The following MED23 variants were observed in gnomAD, a reference collection of about 807,000 sequenced individuals.
The protein encoded by MED23 is mediator complex subunit 23.
Under a neutral mutation model 163.9 loss-of-function variants are expected in MED23, and 105 were observed. The ratio of observed to expected loss-of-function variants is 0.64; its 90% CI spans 0.55 to 0.75. The LOEUF (loss-of-function observed/expected upper bound fraction) is 0.75. Among genes scored for constraint, MED23 ranks in the 30% least tolerant of loss-of-function variants. The pLI is 0.00. For synonymous variants in MED23, 561 were observed against 565.6 expected, an observed-to-expected ratio of 0.99 and a Z score of 0.12; for missense variants, 1,054 against 1,649.0, an observed-to-expected ratio of 0.64 and a Z score of 6.25.
At chr6:131,606,696 T>A in intron 12 of MED23, 72 bp from the exon 13 acceptor site, 1 of 1,282,780 alleles carries the variant, frequency 7.8e-7, no homozygotes. Context: ...TGTATTTTAG[T>A]AATCAATTTC....
At chr6:131,579,378 A>G in intron 30 of MED23, 1 of 1,401,636 alleles carries the variant, frequency 7.1e-7, no homozygotes. Context: ...TAGACAGAAA[A>G]GCATTGACCT....
At chr6:131,584,881 C>T (rs1774121967), downstream of MED23, among the ~76,000 whole-genome samples, 1 of 151,140 alleles carries the variant, frequency 6.6e-6, no homozygotes, top group Non-Finnish European at 1.5e-5. Flanking sequence ...CATCTGTAGT[C>T]CCAGCTACTC....
downstream of MED23, among the ~76,000 whole-genome samples, chr6:131,586,261 G>T (rs146864378): frequency 2.0e-5 from 3 of 151,974 alleles, no homozygotes; most frequent in African/African-American, 7.3e-5. Flanking sequence ...TTAGCCAGGC[G>T]TGGTGGCAGG....
At chr6:131,627,757 G>A (rs1777624128) in intron 1 of MED23, 85 bp from the exon 2 acceptor site, 1 of 1,299,518 alleles carries the variant, frequency 7.7e-7, no homozygotes, top group Admixed American at 1.9e-5. Flanking sequence ...TGTAACACAG[G>A]GCAAGTCACC....
chr6:131,578,981 C>A, intron 30 of MED23: 1 of 1,060,060 alleles, frequency 9.4e-7, no homozygotes, highest in South Asian at 1.7e-5. Context: ...CCAAGATTTA[C>A]AGACCTTTCA....
intron 14 of MED23, 26 bp from the exon 15 acceptor site, chr6:131,604,346 T>C: frequency 6.2e-7 from 1 of 1,611,876 alleles, no homozygotes; most frequent in Non-Finnish European, 8.5e-7. Flanking sequence ...GGGAAGAAAA[T>C]AAAAATCCAT....
rs746887552 is a variant in MED23, at chr6:131,598,509, G to A, written c.2427-42C>T. The A allele has an allele frequency of 6.8e-6, 11 of 1,610,842 alleles. No homozygotes were observed. The South Asian group carries it at 1.2e-4, about 18-fold the overall frequency. ...AAAACATAAACTCCATTGTTGTATG[G>A]ATACAACAATTTGCCAAATGGAATG... On this transcript the variant is annotated intron_variant, in intron 19 of 28. Transcript: ENST00000368068. The surrounding 1 kb of genome is among the most constrained non-coding windows in gnomAD (Gnocchi z 4.7).
chr6:131,627,563 C>A, intron 2 of MED23, 78 bp downstream of exon 2: 1 of 1,591,576 alleles, frequency 6.3e-7, no homozygotes, highest in South Asian at 1.1e-5. Flanking sequence ...GATCTTATAA[C>A]CTTCCAACAC....
chr6:131,590,248 T>C (rs1562368758), intron 27 of MED23, 74 bp downstream of exon 27: 3 of 1,424,266 alleles, frequency 2.1e-6, no homozygotes, highest in Non-Finnish European at 3.0e-6. Flanking sequence ...GCAGTTTCAA[T>C]AACACTGGTA....
chr6:131,612,892 C>T (rs1181725805), intron 10 of MED23, among the ~76,000 whole-genome samples: 1 of 152,036 alleles, frequency 6.6e-6, no homozygotes, highest in Non-Finnish European at 1.5e-5. Context: ...GTACTTGACG[C>T]TTTTCATGTA....
chr6:131,594,840 AAC>A lies in MED23; in HGVS notation c.2996-507_2996-506del, dbSNP rs1295561400. Among the ~76,000 whole-genome samples the A allele has an allele frequency of 3.3e-5, 5 of 152,010 alleles. No individual in the cohort carries two copies. The East Asian group carries it at 5.8e-4, about 18-fold the overall frequency. ...AACAAACAAACAAACAAACAAACAA[AAC>A]CAGCCAGGATATCTAAGAGGGGATG... On this transcript the variant is annotated intron_variant, in intron 22 of 28. Coordinates refer to ENST00000368068, the MANE Select transcript of MED23 (RefSeq NM_004830.4).
intron 30 of MED23, among the ~76,000 whole-genome samples, chr6:131,580,658 T>C (rs974395290): frequency 6.6e-6 from 1 of 152,204 alleles, no homozygotes; most frequent in African/African-American, 2.4e-5. Flanking sequence ...AGTGGGTAAC[T>C]AGATGCATTG....
At position 131,620,663 on chromosome 6, in the gene MED23, T is replaced by A; in HGVS notation, c.562A>T (p.Arg188Trp). ...LPAYFAVTEIRKLYPEGKLPH... is the reference protein window; with the variant it reads ...LPAYFAVTEIWKLYPEGKLPH... Reference sequence around the variant, plus strand: ...AGTTTGCCTTCAGGATACAGTTTCCTGATCTCAGTGACTGCAAAATAGGCT... The same window carrying A: ...AGTTTGCCTTCAGGATACAGTTTCCAGATCTCAGTGACTGCAAAATAGGCT... The change falls in exon 7 of 29, where the codon AGG becomes TGG. Residue 188 changes from arginine to tryptophan, a missense_variant. Physicochemically the swap from Arg to Trp is moderately radical, Grantham distance 101. Coordinates refer to ENST00000368068, the MANE Select transcript of MED23 (RefSeq NM_004830.4). 6.2e-7 allele frequency: 1 copy of A among 1,613,126 alleles called. No individual in the cohort carries two copies.
chr6:131,616,577 G>A (rs564643526), intron 9 of MED23, among the ~76,000 whole-genome samples: 105 of 152,252 alleles, frequency 6.9e-4, no homozygotes, highest in African/African-American at 2.5e-3. Flanking sequence ...CCAGCACTTT[G>A]GGAGGCCAAG....
rs377240053 is a variant in MED23, at chr6:131,602,404, G to T, written c.1932-23C>A. 3.9e-5 allele frequency: 63 copies of T among 1,607,384 alleles called. No individual in the cohort carries two copies. The African/African-American group carries it at 7.8e-4, about 20-fold the overall frequency. On this transcript the variant is annotated intron_variant, in intron 16 of 28. Coordinates refer to ENST00000368068, the MANE Select transcript of MED23 (RefSeq NM_004830.4). ...ACACTGAAAATTGGGAGAATAAAAA[G>T]AAATGTAAAAAAATTTCAGAATTAT...
At chr6:131,589,282 TTAA>T (rs1160606444) in intron 28 of MED23, among the ~76,000 whole-genome samples, 180 bp downstream of exon 28, 2 of 152,202 alleles carry the variant, frequency 1.3e-5, no homozygotes, top group African/African-American at 4.8e-5. Context: ...TGTATTTCCT[TTAA>T]TACTACATCT....
chr6:131,622,745 C>T (rs892405723), intron 5 of MED23, among the ~76,000 whole-genome samples: 10 of 152,104 alleles, frequency 6.6e-5, no homozygotes, highest in African/African-American at 2.4e-4. Flanking sequence ...TAGGTCATTA[C>T]CTGTTAAATC....
chr6:131,607,129 G>C (rs190820690), intron 12 of MED23, among the ~76,000 whole-genome samples: 7 of 151,942 alleles, frequency 4.6e-5, no homozygotes, highest in Admixed American at 3.3e-4. Flanking sequence ...CTTGAAAATT[G>C]TCCAACATTA....
intron 4 of MED23, among the ~76,000 whole-genome samples, chr6:131,624,261 T>C (rs1397272690): frequency 2.6e-5 from 4 of 152,218 alleles, no homozygotes; most frequent in African/African-American, 9.6e-5. Flanking sequence ...GGATGCAGTA[T>C]GACTTCCAAG....
Sources: allele counts gnomAD v4.1 joint callset (sites outside exome capture counted in the v4.1 genomes callset), GRCh38; gene constraint gnomAD v4.1.1; non-coding constraint Gnocchi (gnomAD v3.1); transcripts MANE v1.5; gene names NCBI Gene and HGNC (gene_info 2026-07-23, HGNC 2026-07-21).